RAD18: variants seen among roughly 807,000 people sequenced by gnomAD.
RAD18 encodes the protein RAD18 E3 ubiquitin protein ligase.
Under a neutral mutation model 60.4 loss-of-function variants are expected in RAD18, and 47 were observed. The observed-to-expected ratio is 0.78, with a 90% CI of 0.62 to 0.99. The LOEUF is 0.99. Ranked by LOEUF, RAD18 falls within the 50% of genes least tolerant of loss-of-function variation. The pLI is 0.00. For synonymous variants in RAD18, 225 were observed against 195.5 expected (o/e 1.15, Z -1.26); for missense variants, 640 against 593.3 (o/e 1.08, Z -0.82).
intron 8 of RAD18, among the ~76,000 whole-genome samples, chr3:8,912,780 T>C (rs1486668791): frequency 6.6e-6 from 1 of 152,160 alleles, no homozygotes; most frequent in East Asian, 1.9e-4. Context: ...CAGGTCATTA[T>C]AGAAAAGCAG....
intron 11 of RAD18, among the ~76,000 whole-genome samples, chr3:8,893,568 A>G (rs540465633): frequency 7.2e-4 from 110 of 152,334 alleles, no homozygotes; most frequent in African/African-American, 2.4e-3. Context: ...CTAACGTATT[A>G]GAATAGTAAA....
intron 4 of RAD18, among the ~76,000 whole-genome samples, chr3:8,944,255 C>A (rs1940803145): frequency 6.6e-6 from 1 of 152,032 alleles, no homozygotes; most frequent in African/African-American, 2.4e-5. Flanking sequence ...AACAGAAAAC[C>A]TGAAGAGCCC....
At chr3:8,908,013 G>T (rs1268472624) in intron 9 of RAD18, among the ~76,000 whole-genome samples, 1 of 152,136 alleles carries the variant, frequency 6.6e-6, no homozygotes, top group Non-Finnish European at 1.5e-5. Flanking sequence ...CAAGGTCCAG[G>T]GAACTATCCC....
At chr3:8,925,060 C>G (rs1002818715) in intron 7 of RAD18, among the ~76,000 whole-genome samples, 1 of 151,826 alleles carries the variant, frequency 6.6e-6, no homozygotes, top group Non-Finnish European at 1.5e-5. Context: ...TAACTAAGAT[C>G]AGAGCAGAAC....
intron 7 of RAD18, among the ~76,000 whole-genome samples, chr3:8,925,481 T>TA (rs1940417202): frequency 6.6e-6 from 1 of 152,002 alleles, no homozygotes; most frequent in African/African-American, 2.4e-5. Flanking sequence ...CCACCAGAGG[T>TA]ACAAGGAGGA....
At chr3:8,935,380 T>C (rs1169060829) in intron 7 of RAD18, among the ~76,000 whole-genome samples, 2 of 152,244 alleles carry the variant, frequency 1.3e-5, no homozygotes, top group East Asian at 3.8e-4. Context: ...ATAATCATAA[T>C]GGCAACATTT....
chr3:8,925,737 G>T (rs1940421597), intron 7 of RAD18, among the ~76,000 whole-genome samples: 1 of 152,070 alleles, frequency 6.6e-6, no homozygotes, highest in African/African-American at 2.4e-5. Flanking sequence ...TTCATCCCTG[G>T]GATGCAAGGC....
intron 12 of RAD18, among the ~76,000 whole-genome samples, chr3:8,882,934 C>T (rs553777590): frequency 2.6e-5 from 4 of 152,234 alleles, no homozygotes; most frequent in Admixed American, 6.5e-5. Flanking sequence ...CTGCATGGCC[C>T]GCATTCAAAA....
chr3:8,901,041 T>C (rs1939902819), intron 10 of RAD18, among the ~76,000 whole-genome samples: 2 of 152,252 alleles, frequency 1.3e-5, no homozygotes, highest in South Asian at 2.1e-4. Flanking sequence ...AGTTGTTCAA[T>C]GACCATGAGT....
chr3:8,902,146 T>G (rs1454120693), intron 10 of RAD18, among the ~76,000 whole-genome samples: 1 of 152,238 alleles, frequency 6.6e-6, no homozygotes, highest in Non-Finnish European at 1.5e-5. Context: ...GATTTATCAT[T>G]AACTGAAAGG....
chr3:8,954,738 C>T (rs868439802), intron 2 of RAD18, among the ~76,000 whole-genome samples: 2 of 152,056 alleles, frequency 1.3e-5, no homozygotes, highest in African/African-American at 4.8e-5. Context: ...ATCTAAGAAG[C>T]AACAATAAAT....
chr3:8,897,875 G>C (rs1433051846), intron 11 of RAD18, among the ~76,000 whole-genome samples: 1 of 151,994 alleles, frequency 6.6e-6, no homozygotes, highest in Non-Finnish European at 1.5e-5. Context: ...AGACCAGCCT[G>C]GCCAACACGG....
chr3:8,906,881 T>A (rs1237359840), intron 9 of RAD18, among the ~76,000 whole-genome samples: 1 of 152,146 alleles, frequency 6.6e-6, no homozygotes, highest in Non-Finnish European at 1.5e-5. Context: ...TGGTTTTAAT[T>A]TCTTCTTTGA....
chr3:8,956,101 G>A (rs1346326357), intron 2 of RAD18, among the ~76,000 whole-genome samples: 1 of 152,232 alleles, frequency 6.6e-6, no homozygotes, highest in Non-Finnish European at 1.5e-5. Flanking sequence ...GTGCTGTACT[G>A]TAGATGGTAC....
In RAD18 at chr3:8,887,398, G is replaced by A. The variant is rs191611683; in HGVS notation, c.1385+2991C>T. Among the ~76,000 whole-genome samples, 26 of 152,286 alleles carry A rather than the reference G, an allele frequency of 1.7e-4. 1 individual carries two copies. The highest frequency in any genetic ancestry group is 1.6e-3 in the Admixed American group (25 of 15,300). ...GAGAAGAGGGGACACTGGAGGAGAC[G>A]CAGATCTGGAGCAAAGGGCTTAGAC... On this transcript the variant is annotated intron_variant, in intron 12 of 12. Transcript: ENST00000264926.
chr3:8,908,590 A>T (rs1940054517), intron 9 of RAD18, among the ~76,000 whole-genome samples: 1 of 152,128 alleles, frequency 6.6e-6, no homozygotes, highest in African/African-American at 2.4e-5. Context: ...TGACATCTTG[A>T]TCTTGGACTT....
chr3:8,949,277 C>T (rs1278923889), intron 2 of RAD18, among the ~76,000 whole-genome samples: 2 of 152,240 alleles, frequency 1.3e-5, no homozygotes, highest in African/African-American at 2.4e-5. Flanking sequence ...TTACTAGTAG[C>T]CCAAATTCAG....
intron 12 of RAD18, 100 bp from the exon 13 acceptor site, chr3:8,881,559 C>A (rs1939462811): frequency 1.1e-6 from 1 of 894,988 alleles, no homozygotes; most frequent in South Asian, 1.6e-5. Context: ...TCATTAAAAC[C>A]TCGAAATAAT....
At chr3:8,895,891 G>A (rs750946493) in intron 11 of RAD18, among the ~76,000 whole-genome samples, 9 of 152,094 alleles carry the variant, frequency 5.9e-5, no homozygotes, top group East Asian at 5.8e-4. Context: ...ATGCTGTTCC[G>A]AACACTGGAC....
Sources: allele counts gnomAD v4.1 joint callset (sites outside exome capture counted in the v4.1 genomes callset), GRCh38; gene constraint gnomAD v4.1.1; transcripts MANE v1.5; gene names NCBI Gene and HGNC (gene_info 2026-07-23, HGNC 2026-07-21).